The following KCNN2 variants were observed in gnomAD, a reference collection of about 807,000 sequenced individuals.
KCNN2 encodes potassium calcium-activated channel subfamily N member 2, also known as small conductance calcium-activated potassium channel protein 2.
Under a neutral mutation model 55.5 loss-of-function variants are expected in KCNN2, and 24 were observed. That is an observed-to-expected ratio of 0.43 (90% CI 0.31 to 0.61). KCNN2 has a LOEUF of 0.61. Among genes scored for constraint, KCNN2 ranks in the 20% least tolerant of loss-of-function variants. The pLI, the probability that KCNN2 is intolerant of heterozygous loss-of-function variation, is 0.08. For missense variants in KCNN2, 754 were observed against 853.6 expected, an observed-to-expected ratio of 0.88 and a Z score of 1.45; for synonymous variants, 431 against 336.1, an observed-to-expected ratio of 1.28 and a Z score of -3.09.
At chr5:114,369,703 G>A (rs1757707926) in intron 2 of KCNN2, among the ~76,000 whole-genome samples, 2 of 152,236 alleles carry the variant, frequency 1.3e-5, no homozygotes, top group East Asian at 1.9e-4. Context: ...AAATCACTCA[G>A]GACTAATTTT....
At chr5:114,265,517 T>C (rs1755193144) in intron 2 of KCNN2, among the ~76,000 whole-genome samples, 1 of 152,116 alleles carries the variant, frequency 6.6e-6, no homozygotes, top group South Asian at 2.1e-4. Context: ...GAAGAGCCAG[T>C]GTTTCAGTCA....
intron 2 of KCNN2, among the ~76,000 whole-genome samples, chr5:114,335,006 C>T (rs527717388): frequency 6.6e-6 from 1 of 152,246 alleles, no homozygotes; most frequent in South Asian, 2.1e-4. Flanking sequence ...TCACTGCAAG[C>T]TCTGCCTTCT....
At chr5:114,183,121 T>C (rs1279648324) in intron 1 of KCNN2, among the ~76,000 whole-genome samples, 2 of 152,144 alleles carry the variant, frequency 1.3e-5, no homozygotes, top group Non-Finnish European at 2.9e-5. Context: ...TATTCATCTA[T>C]TGAAATGATC....
intron 2 of KCNN2, among the ~76,000 whole-genome samples, chr5:114,284,482 C>T (rs766215659): frequency 3.3e-5 from 5 of 151,646 alleles, no homozygotes; most frequent in Non-Finnish European, 5.9e-5. Context: ...ACAAACTAAT[C>T]CAGATAGTTG....
chr5:114,313,559 G>A (rs1756445990), intron 2 of KCNN2, among the ~76,000 whole-genome samples: 1 of 152,158 alleles, frequency 6.6e-6, no homozygotes, highest in Non-Finnish European at 1.5e-5. Flanking sequence ...TGTACTCACA[G>A]AAGCACGAAG....
In KCNN2 at chr5:114,363,195, C is replaced by T. The variant is rs758126725; in HGVS notation, c.1056C>T (p.Ile352=). The T allele has an allele frequency of 1.2e-6, 2 of 1,613,336 alleles. No individual in the cohort carries two copies. Among genetic ancestry groups the T allele is most frequent in the South Asian group, 1.1e-5 (1 of 91,090 alleles). Residue 352 remains isoleucine (I), a synonymous_variant, in exon 1 of 8, where the codon ATC becomes ATT. Coordinates refer to ENST00000673685, the MANE Select transcript of KCNN2 (RefSeq NM_021614.4). ...KRKRLSDYAL[I]FGMFGIVVMV... ...AGCGGCTCAGCGACTACGCGCTCAT[C>T]TTCGGCATGTTCGGCATCGTGGTCA...
chr5:114,243,532 T>G (rs1418936902), intron 2 of KCNN2, among the ~76,000 whole-genome samples: 1 of 152,164 alleles, frequency 6.6e-6, no homozygotes, highest in Non-Finnish European at 1.5e-5. Flanking sequence ...ACTTAGTAGC[T>G]CAGTTATCAG....
chr5:114,232,270 C>G (rs537376844), intron 2 of KCNN2, among the ~76,000 whole-genome samples: 5 of 150,812 alleles, frequency 3.3e-5, no homozygotes, highest in Non-Finnish European at 7.4e-5. Context: ...GTCATGAGTC[C>G]TATTTACTCC....
chr5:114,350,426 C>G (rs1349171640), intron 2 of KCNN2, among the ~76,000 whole-genome samples: 1 of 151,762 alleles, frequency 6.6e-6, no homozygotes, highest in Non-Finnish European at 1.5e-5. Flanking sequence ...TTTCACTTTC[C>G]TGATGGTATC....
intron 1 of KCNN2, among the ~76,000 whole-genome samples, chr5:114,217,274 C>G (rs1053621248): frequency 2.6e-5 from 4 of 151,944 alleles, no homozygotes; most frequent in African/African-American, 9.7e-5. Flanking sequence ...ATGAAAGAAT[C>G]AAAAGACCCA....
chr5:114,151,706 C>T (rs530935765), intron 1 of KCNN2, among the ~76,000 whole-genome samples: 53 of 152,192 alleles, frequency 3.5e-4, no homozygotes, highest in Admixed American at 2.4e-3. Flanking sequence ...ACCTCAGCTG[C>T]TACTGACACA....
At chr5:114,270,355 T>TA (rs1233300072) in intron 2 of KCNN2, among the ~76,000 whole-genome samples, 1 of 152,206 alleles carries the variant, frequency 6.6e-6, no homozygotes, top group Non-Finnish European at 1.5e-5. Context: ...TAACATACTA[T>TA]AAAAGCTGAT....
chr5:114,079,844 T>TGTGTGTGTGAGA (rs760369459), intron 1 of KCNN2, among the ~76,000 whole-genome samples: 1 of 149,446 alleles, frequency 6.7e-6, no homozygotes, highest in African/African-American at 2.5e-5. Flanking sequence ...TGTGTGTGTG[T>TGTGTGTGTGAGA]GAGAGAGAGA....
chr5:114,467,134 A>C (rs1044130563), intron 4 of KCNN2, among the ~76,000 whole-genome samples: 4 of 152,148 alleles, frequency 2.6e-5, no homozygotes, highest in African/African-American at 9.7e-5. Context: ...TTGTCAGTTA[A>C]ACAAACAGTT....
chr5:114,106,349 A>G (rs551847006), intron 1 of KCNN2, among the ~76,000 whole-genome samples: 1 of 151,792 alleles, frequency 6.6e-6, no homozygotes, highest in South Asian at 2.1e-4. Flanking sequence ...ATTCATTGCT[A>G]TGGTATATAT....
intron 1 of KCNN2, among the ~76,000 whole-genome samples, chr5:114,149,170 T>C (rs1476021845): frequency 1.3e-5 from 2 of 152,116 alleles, no homozygotes; most frequent in Non-Finnish European, 2.9e-5. Flanking sequence ...ATAAGCCTGG[T>C]GTTTAGAATG....
chr5:114,384,848 G>C (rs1208880018), intron 2 of KCNN2, among the ~76,000 whole-genome samples: 1 of 152,128 alleles, frequency 6.6e-6, no homozygotes, highest in Non-Finnish European at 1.5e-5. Flanking sequence ...GGGAGTGGGA[G>C]CCTACGTGAC....
intron 2 of KCNN2, among the ~76,000 whole-genome samples, chr5:114,249,744 CAAA>C (rs70976329): frequency 0.02 from 2,831 of 141,924 alleles, 65 homozygotes; most frequent in African/African-American, 0.06. Context: ...ACCCTAGCTT[CAAA>C]AAAAAAAAAA....
Position 114,444,580 on chromosome 5 carries a change from A to G in KCNN2, c.1638-18469A>G, listed in dbSNP as rs553588203. 1.6e-4 allele frequency among the ~76,000 whole-genome samples: 24 copies of G among 152,160 alleles called. 1 individual carries two copies. Among genetic ancestry groups the G allele is most frequent in the South Asian group, 1.0e-3 (5 of 4,832 alleles). On this transcript the variant is annotated intron_variant, in intron 3 of 7. Coordinates refer to ENST00000673685, the MANE Select transcript of KCNN2 (RefSeq NM_021614.4). The stretch of plus-strand genomic sequence containing the variant: ...GAGAATGTTTGAAAGTGGATGCCCC[A>G]GAACGTCAGGGTTCCTTGATTTGAG...
Sources: gnomAD v4.1 joint callset for allele counts (sites outside exome capture counted in the v4.1 genomes callset) on GRCh38, gnomAD v4.1.1 for gene constraint, MANE v1.5 for transcripts, NCBI Gene and HGNC (gene_info 2026-07-23, HGNC 2026-07-21) for gene names.